The following ENOSF1 variants were observed in gnomAD, a reference collection of about 807,000 sequenced individuals.
ENOSF1 encodes enolase superfamily member 1, also known as mitochondrial enolase superfamily member 1.
ENOSF1 carries 73 observed loss-of-function variants against 68.2 expected under a neutral mutation model. The ratio of observed to expected loss-of-function variants is 1.07; its 90% CI spans 0.89 to 1.30. The LOEUF (loss-of-function observed/expected upper bound fraction) is 1.30, where lower values mean the gene tolerates loss of function less well. Ranked by LOEUF, ENOSF1 falls within the 50% of genes most tolerant of loss-of-function variation. The pLI is 0.00. For synonymous variants in ENOSF1, 223 were observed against 210.4 expected (o/e 1.06, Z -0.52); for missense variants, 589 against 554.5 (o/e 1.06, Z -0.62).
intron 14 of ENOSF1, among the ~76,000 whole-genome samples, chr18:676,833 T>C (rs1354699031): frequency 2.6e-5 from 4 of 152,370 alleles, no homozygotes; most frequent in Admixed American, 1.3e-4. Context: ...AATGCTTTTG[T>C]GCCTTTGCTA....
At chr18:701,059 A>C (rs886819958) in intron 2 of ENOSF1, among the ~76,000 whole-genome samples, 2 of 152,086 alleles carry the variant, frequency 1.3e-5, no homozygotes, top group African/African-American at 4.8e-5. Context: ...AGCCTCTAGC[A>C]CTGGAAGGAC....
chr18:683,332 T>C lies in ENOSF1; in HGVS notation c.790A>G (p.Met264Val), dbSNP rs762285689. Residue 264 changes from methionine (M) to valine (V), a missense_variant, in exon 11 of 16, where the codon ATG becomes GTG. Met to Val is a conservative substitution (Grantham distance 21, BLOSUM62 1). Transcript: ENST00000647584. ...RWDVPEAVEW[M>V]SKLAKFKPLW... Reference sequence around the variant, plus strand: ...GGCTTGAACTTGGCCAGCTTGGACATCCACTCCACCGCCTCAGGCACATCC... The same window carrying C: ...GGCTTGAACTTGGCCAGCTTGGACACCCACTCCACCGCCTCAGGCACATCC... 6.2e-7 allele frequency: 1 copy of C among 1,614,094 alleles called. No individual in the cohort carries two copies. The highest frequency in any genetic ancestry group is 1.1e-5 in the South Asian group (1 of 91,074).
chr18:693,946 G>A (rs769730721), intron 4 of ENOSF1, 38 bp from the exon 5 acceptor site: 11 of 1,609,420 alleles, frequency 6.8e-6, no homozygotes, highest in Admixed American at 6.8e-5. Flanking sequence ...AGACATATGT[G>A]TAAAGTCCCC....
chr18:708,023 C>CTT (rs35107796), intron 1 of ENOSF1, among the ~76,000 whole-genome samples: 107 of 137,562 alleles, frequency 7.8e-4, no homozygotes, highest in South Asian at 5.0e-3. Flanking sequence ...CTATGACCAG[C>CTT]TTTTTTTTTT....
chr18:688,527 T>C (rs770903263), intron 9 of ENOSF1, 47 bp downstream of exon 9: 1 of 1,613,364 alleles, frequency 6.2e-7, no homozygotes, highest in African/African-American at 1.3e-5. Context: ...ACTGCCTGAG[T>C]CTCTCCTGCC....
Position 691,069 on chromosome 18 carries a change from T to C in ENOSF1, c.534A>G (p.Arg178=). Residue 178 remains arginine, a splice_region_variant and synonymous_variant, in exon 7 of 16, where the codon AGA becomes AGG. Transcript: ENST00000647584. ...GAAGAAAATTTTCTTACAACCCACC[T>C]CTTTCTTTTTTACCAATTTGACCTT... is the stretch of plus-strand genomic sequence containing the variant. ...LQKGQIGKKE[R]EKQMLAQGYP... is the part of the protein sequence containing the mutation. The C allele has an allele frequency of 1.2e-6, 2 of 1,613,690 alleles. No individual in the cohort carries two copies. The highest frequency in any genetic ancestry group is 2.2e-5 in the South Asian group (2 of 90,888).
intron 8 of ENOSF1, among the ~76,000 whole-genome samples, chr18:689,691 C>T (rs183733545): frequency 6.6e-6 from 1 of 152,130 alleles, no homozygotes; most frequent in Admixed American, 6.5e-5. Context: ...CTGCCCCCAT[C>T]GCTGCCCCCC....
At chr18:694,644 AG>A (rs2077534927) in intron 3 of ENOSF1, among the ~76,000 whole-genome samples, 1 of 147,738 alleles carries the variant, frequency 6.8e-6, no homozygotes, top group African/African-American at 2.6e-5. Context: ...AAAAAAAAAG[AG>A]AGAGAGAGAA....
At position 675,385 on chromosome 18, in the gene ENOSF1, T is replaced by A. The variant is rs1275477457; in HGVS notation, c.1166A>T (p.Asp389Val). The A allele has an allele frequency of 1.9e-6, 3 of 1,612,906 alleles. No individual in the cohort carries two copies. In the East Asian group the frequency reaches 6.7e-5, roughly 36 times the overall value. Residue 389 changes from aspartate (D) to valine (V), a missense_variant, in exon 15 of 16, where the codon GAC becomes GTC. Asp to Val is a radical substitution (Grantham distance 152, BLOSUM62 -3). Coordinates refer to ENST00000647584, the MANE Select transcript of ENOSF1 (RefSeq NM_017512.7). ...SLENRVCEYV[D>V]HLHEHFKYPV... ...ATACTTGAAATGCTCATGCAGGTGG[T>A]CAACATACTCACACACCCTAGGAGG...
intron 2 of ENOSF1, among the ~76,000 whole-genome samples, chr18:698,449 T>G (rs998266579): frequency 6.6e-6 from 1 of 152,208 alleles, no homozygotes; most frequent in Non-Finnish European, 1.5e-5. Context: ...TAAAATGAAT[T>G]TGCAATTAGC....
At chr18:709,182 A>T (rs573159133) in intron 1 of ENOSF1, among the ~76,000 whole-genome samples, 2 of 152,288 alleles carry the variant, frequency 1.3e-5, no homozygotes, top group Non-Finnish European at 2.9e-5. Flanking sequence ...CAGATCCGGA[A>T]ATGAGATCTG....
rs1310258446 is a variant in ENOSF1, at chr18:670,344, A to G, written c.*3961T>C. ...GCCTGGCCATGTAATAGAGACTTTT[A>G]ATATAGGAGGGTGTACCAGAAGCAC... On this transcript the variant is annotated 3_prime_UTR_variant, in exon 16 of 16. Transcript: ENST00000647584. The G allele has an allele frequency of 5.2e-6, 1 of 192,740 alleles. No individual in the cohort carries two copies. Among genetic ancestry groups the G allele is most frequent in the Admixed American group, 5.5e-5 (1 of 18,196 alleles). The allele number at this position is 192,740 out of a possible 1,614,324, so 11.9% of individuals were successfully genotyped here. A position where few individuals can be genotyped will look rare whatever the true frequency, so the allele number is the denominator to read the frequency against.
intron 1 of ENOSF1, 177 bp from the exon 2 acceptor site, chr18:706,755 A>T: frequency 2.2e-6 from 1 of 457,302 alleles, no homozygotes; most frequent in Non-Finnish European, 3.9e-6. Flanking sequence ...GGAGAAAAGG[A>T]ATGTCCTCCT....
chr18:679,114 C>T (rs1303583076), intron 11 of ENOSF1, among the ~76,000 whole-genome samples: 1 of 152,062 alleles, frequency 6.6e-6, no homozygotes, highest in Non-Finnish European at 1.5e-5. Flanking sequence ...TCACAGGGTC[C>T]AACCTTTGGA....
chr18:683,158 A>C, intron 11 of ENOSF1, 88 bp downstream of exon 11: 2 of 1,501,886 alleles, frequency 1.3e-6, no homozygotes, highest in South Asian at 2.5e-5. Context: ...AGAGGGAACA[A>C]GTGAAGAAAT....
At chr18:669,015 C>G, downstream of ENOSF1, 1 of 1,458,734 alleles carries the variant, frequency 6.9e-7, no homozygotes, top group Admixed American at 1.7e-5. Flanking sequence ...CTAAGGCCAT[C>G]TCATGACATG....
intron 14 of ENOSF1, 175 bp from the exon 15 acceptor site, chr18:675,577 C>G: frequency 3.3e-6 from 2 of 604,012 alleles, no homozygotes; most frequent in Non-Finnish European, 3.0e-6. Flanking sequence ...AGGTCCTTTT[C>G]TTCTAAAATA....
downstream of ENOSF1, among the ~76,000 whole-genome samples, chr18:667,107 A>AGATGGT (rs1212083746): frequency 1.3e-4 from 5 of 37,406 alleles, no homozygotes; most frequent in African/African-American, 4.7e-4. Flanking sequence ...ATGGAGATGG[A>AGATGGT]GATGGTGATG....
At chr18:709,890 C>T (rs989647242) in intron 1 of ENOSF1, among the ~76,000 whole-genome samples, 2 of 152,108 alleles carry the variant, frequency 1.3e-5, no homozygotes, top group African/African-American at 2.4e-5. Context: ...CAGCATGCCT[C>T]GAGGGCATGT....
Sources: allele counts gnomAD v4.1 joint callset (sites outside exome capture counted in the v4.1 genomes callset), GRCh38; gene constraint gnomAD v4.1.1; transcripts MANE v1.5; gene names NCBI Gene and HGNC (gene_info 2026-07-23, HGNC 2026-07-21).